ART3: variants seen among roughly 807,000 people sequenced by gnomAD.
ART3 encodes the protein ecto-ADP-ribosyltransferase 3.
ART3 carries 49 observed loss-of-function variants against 48.5 expected under a neutral mutation model. That is an observed-to-expected ratio of 1.01 (90% confidence interval 0.80 to 1.28). ART3 has a LOEUF of 1.28. Among genes scored for constraint, ART3 ranks in the 50% most tolerant of loss-of-function variants. The probability of loss-of-function intolerance (pLI) is 0.00; values close to 1 mark genes in which losing one functional copy is unlikely to be tolerated. For synonymous variants in ART3, 145 were observed against 157.2 expected, an observed-to-expected ratio of 0.92 and a Z score of 0.58; for missense variants, 438 against 454.3, an observed-to-expected ratio of 0.96 and a Z score of 0.33.
At chr4:76,043,800 A>G (rs71629034) in intron 1 of ART3, among the ~76,000 whole-genome samples, 89,756 of 147,092 alleles carry the variant, frequency 0.61, 28,784 homozygotes, top group East Asian at 0.94. Context: ...CAGAGGAGGT[A>G]CCAAGAGCAA....
intron 3 of ART3, among the ~76,000 whole-genome samples, chr4:76,093,636 A>G (rs1725398260): frequency 6.6e-6 from 1 of 152,228 alleles, no homozygotes. Flanking sequence ...CTCTTTTGCC[A>G]TGTAAAATAA....
At chr4:76,014,488 T>C (rs1304441808) in intron 1 of ART3, among the ~76,000 whole-genome samples, 2 of 151,904 alleles carry the variant, frequency 1.3e-5, no homozygotes, top group African/African-American at 4.8e-5. Flanking sequence ...ACAATTGAAA[T>C]TTTCAAGGCT....
chr4:76,021,110 A>T (rs932474395), intron 1 of ART3: 6 of 152,246 alleles, frequency 3.9e-5, no homozygotes, highest in Non-Finnish European at 7.3e-5. Flanking sequence ...CACACAAGGC[A>T]CTTCATCTTA....
intron 3 of ART3, among the ~76,000 whole-genome samples, chr4:76,093,477 G>A (rs912439329): frequency 7.9e-5 from 12 of 152,038 alleles, no homozygotes; most frequent in African/African-American, 2.7e-4. Context: ...TCCGCACCTC[G>A]CATCTCTCTG....
intron 5 of ART3, 69 bp downstream of exon 5, chr4:76,099,056 C>G (rs749785037): frequency 7.0e-7 from 1 of 1,423,760 alleles, no homozygotes; most frequent in South Asian, 1.2e-5. Context: ...AATCCCAGCG[C>G]TTTGGAAGGC....
rs2109838264 is a variant in ART3, at chr4:76,112,711, A to G, written c.*192A>G. On this transcript the variant is annotated 3_prime_UTR_variant, in exon 12 of 12. Transcript: ENST00000355810. ...ATATGTCACAGAACTTTTCACTTGT[A>G]TACTACTCTTACAATGGAAAAAAAT... 2 of 513,224 alleles carry G rather than the reference A, an allele frequency of 3.9e-6. No individual in the cohort carries two copies. Among genetic ancestry groups the G allele is most frequent in the South Asian group, 4.1e-5 (1 of 24,134 alleles). 31.8% of individuals were successfully genotyped at this position (513,224 alleles called of 1,614,324 possible). A position where few individuals can be genotyped will look rare whatever the true frequency, so the allele number is the denominator to read the frequency against.
At chr4:76,041,476 C>G (rs1362960603) in intron 1 of ART3, 1 of 152,088 alleles carries the variant, frequency 6.6e-6, no homozygotes, top group Non-Finnish European at 1.5e-5. Flanking sequence ...GTAGAACTTA[C>G]TGTCTTTTCT....
chr4:76,054,859 A>G (rs547010142), intron 1 of ART3, among the ~76,000 whole-genome samples: 1 of 152,206 alleles, frequency 6.6e-6, no homozygotes, highest in Non-Finnish European at 1.5e-5. Flanking sequence ...TATTTAGGCT[A>G]TGTTTTCTAA....
upstream of ART3, among the ~76,000 whole-genome samples, chr4:76,070,934 C>G (rs563187989): frequency 6.6e-6 from 1 of 152,038 alleles, no homozygotes; most frequent in South Asian, 2.1e-4. Flanking sequence ...TATGCTATGT[C>G]TCATCCCCTT....
intron 3 of ART3, among the ~76,000 whole-genome samples, chr4:76,088,109 C>T (rs553522760): frequency 3.6e-4 from 55 of 152,110 alleles, no homozygotes; most frequent in South Asian, 2.1e-3. Context: ...ATTGGGAGGA[C>T]GGTGAATGAA....
At chr4:76,028,120 G>C (rs1733570365) in intron 1 of ART3, among the ~76,000 whole-genome samples, 1 of 152,012 alleles carries the variant, frequency 6.6e-6, no homozygotes, top group African/African-American at 2.4e-5. Context: ...TTAAATGAGG[G>C]TTCTGCTCAG....
At chr4:76,095,886 A>G (rs925639214) in intron 3 of ART3, among the ~76,000 whole-genome samples, 1 of 152,048 alleles carries the variant, frequency 6.6e-6, no homozygotes, top group African/African-American at 2.4e-5. Context: ...AGCCCTCTGG[A>G]TGAGGCTTGT....
chr4:76,084,915 C>T (rs965635269), intron 3 of ART3, among the ~76,000 whole-genome samples: 2 of 152,170 alleles, frequency 1.3e-5, no homozygotes, highest in East Asian at 1.9e-4. Context: ...GCAGTACTCT[C>T]GTACCAATCC....
chr4:76,022,177 A>G (rs969521012), intron 1 of ART3, among the ~76,000 whole-genome samples: 5 of 152,210 alleles, frequency 3.3e-5, no homozygotes, highest in Admixed American at 6.5e-5. Flanking sequence ...ACTGGTAATC[A>G]GGGTAACTTC....
Position 76,022,656 on chromosome 4 carries a change from C to T in ART3, c.-10+11336C>T, listed in dbSNP as rs755020591. 1.9e-6 allele frequency: 3 copies of T among 1,605,564 alleles called. No individual in the cohort carries two copies. The African/African-American group carries it at 4.0e-5, about 21-fold the overall frequency. On this transcript the variant is annotated intron_variant, in intron 1 of 9. Coordinates refer to the ART3 transcript ENST00000341029. Reference sequence around the variant, plus strand: ...TATTTAATACAGTATATAATTACAACCAGGGAAGTGATAATCAGATGGGAT... The same window carrying T: ...TATTTAATACAGTATATAATTACAATCAGGGAAGTGATAATCAGATGGGAT...
intron 1 of ART3, among the ~76,000 whole-genome samples, chr4:76,013,075 A>G (rs533586636): frequency 7.2e-5 from 11 of 152,306 alleles, no homozygotes; most frequent in African/African-American, 2.4e-4. Context: ...AACACTTATT[A>G]TAGAAGAAGT....
intron 1 of ART3, chr4:76,022,598 AC>A: frequency 6.9e-7 from 1 of 1,457,670 alleles, no homozygotes; most frequent in Non-Finnish European, 9.2e-7. Flanking sequence ...ATCATCACAA[AC>A]CCTTTACTGA....
intron 1 of ART3, among the ~76,000 whole-genome samples, chr4:76,024,221 G>A (rs959419735): frequency 2.0e-5 from 3 of 152,086 alleles, no homozygotes; most frequent in Admixed American, 6.6e-5. Context: ...AGAATGGTGT[G>A]AGAAAAGGAT....
intron 3 of ART3, among the ~76,000 whole-genome samples, chr4:76,089,663 A>G (rs927376733): frequency 6.6e-6 from 1 of 152,208 alleles, no homozygotes; most frequent in African/African-American, 2.4e-5. Flanking sequence ...GAACAGATAT[A>G]TGTCATCAAA....
Sources: gnomAD v4.1 joint callset for allele counts (sites outside exome capture counted in the v4.1 genomes callset) on GRCh38, gnomAD v4.1.1 for gene constraint, MANE v1.5 for transcripts, NCBI Gene and HGNC (gene_info 2026-07-23, HGNC 2026-07-21) for gene names.